The following EYS variants were observed in gnomAD, a reference collection of about 807,000 sequenced individuals.
The protein encoded by EYS is EGF-like photoreceptor maintenance factor.
In EYS, 250 loss-of-function variants were observed where a neutral mutation model predicts 282.1. The ratio of observed to expected loss-of-function variants is 0.89; its 90% confidence interval spans 0.80 to 0.98. The LOEUF is 0.98. EYS is among the 50% of genes least tolerant of loss of function. The pLI, the probability that EYS is intolerant of heterozygous loss-of-function variation, is 0.00. For synonymous variants in EYS, 1,355 were observed against 1,282.9 expected, an observed-to-expected ratio of 1.06 and a Z score of -1.20; for missense variants, 4,016 against 3,709.0, an observed-to-expected ratio of 1.08 and a Z score of -2.15.
intron 36 of EYS, among the ~76,000 whole-genome samples, chr6:63,862,932 A>G (rs1393553901): frequency 6.6e-6 from 1 of 152,186 alleles, no homozygotes; most frequent in East Asian, 1.9e-4. Context: ...AATTCCTTTC[A>G]AAGACCCATG....
intron 5 of EYS, among the ~76,000 whole-genome samples, chr6:65,478,245 A>AT (rs1765480216): frequency 6.6e-6 from 1 of 152,118 alleles, no homozygotes; most frequent in Non-Finnish European, 1.5e-5. Context: ...TTATGACACA[A>AT]TCACTAAGAC....
chr6:64,459,949 A>G (rs1392213849), intron 26 of EYS, among the ~76,000 whole-genome samples: 1 of 57,654 alleles, frequency 1.7e-5, no homozygotes, highest in African/African-American at 8.5e-5. Flanking sequence ...AATATCCAGA[A>G]AAAAAAAAAA....
chr6:63,788,912 ATC>A lies in EYS; in HGVS notation c.7578+144_7578+145del, dbSNP rs1274857068. The A allele has an allele frequency of 8.5e-6, 6 of 704,582 alleles. No homozygotes were observed. The East Asian group carries it at 1.4e-4, about 16-fold the overall frequency. 43.6% of individuals were successfully genotyped at this position (704,582 alleles called of 1,614,324 possible). On this transcript the variant is annotated intron_variant, in intron 38 of 42. Coordinates refer to ENST00000503581, the MANE Select transcript of EYS (RefSeq NM_001142800.2). Reference sequence around the variant, plus strand: ...GTTCTCACACCACTTAATTGTAATCATCTCTCTATTCCCCTAGTTGGTACAAT... The same window carrying A: ...GTTCTCACACCACTTAATTGTAATCATCTCTATTCCCCTAGTTGGTACAAT...
chr6:64,660,918 C>T (rs1361469023), intron 22 of EYS, among the ~76,000 whole-genome samples: 1 of 152,130 alleles, frequency 6.6e-6, no homozygotes, highest in Non-Finnish European at 1.5e-5. Flanking sequence ...AAAAATGAGC[C>T]CGCATTGCCA....
chr6:65,179,355 T>C (rs1765312456), intron 12 of EYS, among the ~76,000 whole-genome samples: 1 of 151,752 alleles, frequency 6.6e-6, no homozygotes, highest in Non-Finnish European at 1.5e-5. Context: ...CAAATAGATG[T>C]AATAAAAAAT....
intron 22 of EYS, among the ~76,000 whole-genome samples, chr6:64,698,528 A>C (rs1770665741): frequency 6.6e-6 from 1 of 152,176 alleles, no homozygotes; most frequent in African/African-American, 2.4e-5. Flanking sequence ...AGCAGAAATT[A>C]TAAATGGAGT....
chr6:65,577,387 G>C (rs978027035), intron 2 of EYS, among the ~76,000 whole-genome samples: 2 of 151,768 alleles, frequency 1.3e-5, no homozygotes, highest in African/African-American at 4.8e-5. Flanking sequence ...CTATGCAAAA[G>C]GATGAAGTTA....
chr6:64,260,351 G>T (rs1327278028), intron 30 of EYS, among the ~76,000 whole-genome samples: 1 of 151,950 alleles, frequency 6.6e-6, no homozygotes, highest in African/African-American at 2.4e-5. Context: ...GGTTGTATTT[G>T]CTTGTTTGTT....
intron 12 of EYS, among the ~76,000 whole-genome samples, chr6:65,204,072 G>C (rs1368166708): frequency 6.6e-6 from 1 of 152,034 alleles, no homozygotes; most frequent in Admixed American, 6.6e-5. Context: ...GTTATGTAAA[G>C]CGACCAAATC....
At chr6:64,468,549 G>T (rs1775997496) in intron 26 of EYS, among the ~76,000 whole-genome samples, 1 of 152,090 alleles carries the variant, frequency 6.6e-6, no homozygotes, top group Non-Finnish European at 1.5e-5. Context: ...CAAGTTTGTT[G>T]CAAAGGTAAA....
intron 30 of EYS, among the ~76,000 whole-genome samples, chr6:64,250,316 G>T (rs1767166577): frequency 6.6e-6 from 1 of 152,050 alleles, no homozygotes; most frequent in African/African-American, 2.4e-5. Context: ...TAACATTCCT[G>T]CTCAGTTGGG....
chr6:64,790,066 A>G (rs1423172066), intron 22 of EYS, among the ~76,000 whole-genome samples: 4 of 151,920 alleles, frequency 2.6e-5, no homozygotes, highest in Non-Finnish European at 5.9e-5. Flanking sequence ...TGATTTTCTC[A>G]CTAGATTTGT....
At chr6:65,362,913 T>C (rs1217202644) in intron 8 of EYS, among the ~76,000 whole-genome samples, 2 of 152,044 alleles carry the variant, frequency 1.3e-5, no homozygotes, top group Non-Finnish European at 2.9e-5. Context: ...ATTAGAAAAG[T>C]TATGGGAAAT....
chr6:65,408,939 GTTAT>G (rs1268527829), intron 5 of EYS, among the ~76,000 whole-genome samples: 1 of 152,008 alleles, frequency 6.6e-6, no homozygotes, highest in Non-Finnish European at 1.5e-5. Flanking sequence ...ATGGTTCCAT[GTTAT>G]TTTTTTCTTC....
intron 29 of EYS, among the ~76,000 whole-genome samples, chr6:64,351,681 T>C (rs991932765): frequency 2.0e-5 from 3 of 151,428 alleles, no homozygotes; most frequent in Non-Finnish European, 4.4e-5. Flanking sequence ...TTAAAACAAA[T>C]AGGAAGAAAG....
chr6:65,344,292 A>C lies in EYS; in HGVS notation c.1460-115T>G, dbSNP rs149499138. Reference sequence around the variant, plus strand: ...AAAGATAAATTTGACAACATCTGCCACAAAATAAGTTCCTGTATGCATATG... The same window carrying C: ...AAAGATAAATTTGACAACATCTGCCCCAAAATAAGTTCCTGTATGCATATG... On this transcript the variant is annotated intron_variant, in intron 9 of 42. Transcript: ENST00000503581. 5 of 878,936 alleles carry C rather than the reference A, an allele frequency of 5.7e-6. No homozygotes were observed. The Admixed American group carries it at 1.1e-4, about 19-fold the overall frequency. 54.4% of individuals were successfully genotyped at this position (878,936 alleles called of 1,614,324 possible). A position where few individuals can be genotyped will look rare whatever the true frequency, so the allele number is the denominator to read the frequency against.
intron 6 of EYS, among the ~76,000 whole-genome samples, chr6:65,404,068 T>C (rs901466996): frequency 6.6e-6 from 1 of 152,080 alleles, no homozygotes; most frequent in Non-Finnish European, 1.5e-5. Context: ...AACCAAGATG[T>C]CTGCTGTGTC....
At position 65,021,222 on chromosome 6, in the gene EYS, C is replaced by G. The variant is rs575322181; in HGVS notation, c.2138-23519G>C. 2.0e-5 allele frequency among the ~76,000 whole-genome samples: 3 copies of G among 152,298 alleles called. No homozygotes were observed. The South Asian group carries it at 6.2e-4, about 32-fold the overall frequency. ...GCATCATCAGGCTGCTGCAAATTTT[C>G]CAAACTTTTATGCTCCGCTTCCTTT... On this transcript the variant is annotated intron_variant, in intron 13 of 42. Transcript: ENST00000503581.
At chr6:64,764,133 C>G (rs1472067827) in intron 22 of EYS, among the ~76,000 whole-genome samples, 3 of 152,232 alleles carry the variant, frequency 2.0e-5, no homozygotes, top group East Asian at 3.9e-4. Flanking sequence ...CACAGCTCCA[C>G]TAGGCAATGG....
Sources: gnomAD v4.1 joint callset for allele counts (sites outside exome capture counted in the v4.1 genomes callset) on GRCh38, gnomAD v4.1.1 for gene constraint, MANE v1.5 for transcripts, NCBI Gene and HGNC (gene_info 2026-07-23, HGNC 2026-07-21) for gene names.